IL18R1: variants seen among roughly 807,000 people sequenced by gnomAD.
The protein encoded by IL18R1 is interleukin-18 receptor 1.
A neutral mutation model predicts 48.5 loss-of-function variants in IL18R1; 40 were observed. That is an observed-to-expected ratio of 0.82 (90% CI 0.64 to 1.07). IL18R1 has a LOEUF of 1.07. Among genes scored for constraint, IL18R1 ranks in the 50% least tolerant of loss-of-function variants. The pLI is 0.00. For missense variants in IL18R1, 596 were observed against 633.7 expected (o/e 0.94, Z 0.64); for synonymous variants, 232 against 225.9 (o/e 1.03, Z -0.24).
chr2:102,390,031 T>C (rs1680469967), intron 8 of IL18R1, 25 bp from the exon 9 acceptor site: 3 of 1,611,668 alleles, frequency 1.9e-6, no homozygotes, highest in South Asian at 2.2e-5. Flanking sequence ...ATTATTTTCT[T>C]TTCCTTTTTC....
At chr2:102,360,197 G>A (rs913342767) in intron 1 of IL18R1, among the ~76,000 whole-genome samples, 1 of 152,176 alleles carries the variant, frequency 6.6e-6, no homozygotes, top group Non-Finnish European at 1.5e-5. Context: ...TTAACAAAGA[G>A]TTTTGTGACA....
chr2:102,366,754 CTCATGAGAACTCACTCACTA>C (rs1678923813), intron 2 of IL18R1, among the ~76,000 whole-genome samples: 2 of 152,174 alleles, frequency 1.3e-5, no homozygotes, highest in South Asian at 4.1e-4. Flanking sequence ...ACCATCAGAT[CTCATGAGAACTCACTCACTA>C]TCATGAGAAC....
At chr2:102,369,477 C>T (rs1434286793) in intron 3 of IL18R1, among the ~76,000 whole-genome samples, 2 of 152,086 alleles carry the variant, frequency 1.3e-5, no homozygotes, top group African/African-American at 4.8e-5. Flanking sequence ...AATGAGGTGT[C>T]CCAGAGTGGA....
chr2:102,379,472 G>T lies in IL18R1; in HGVS notation c.626-2148G>T, dbSNP rs961332323. On this transcript the variant is annotated intron_variant, in intron 5 of 10. Coordinates refer to ENST00000233957, the MANE Select transcript of IL18R1 (RefSeq NM_003855.5). ...AAAAAAAAAAAAAAAAAAAAGGAAAGAAATGAATACCCTAAGACTCAGGGA... is the reference window on the plus strand; with the variant it reads ...AAAAAAAAAAAAAAAAAAAAGGAAATAAATGAATACCCTAAGACTCAGGGA... Among the ~76,000 whole-genome samples the T allele has an allele frequency of 7.8e-5, 11 of 140,544 alleles. No homozygotes were observed. The South Asian group carries it at 8.9e-4, about 11-fold the overall frequency. The allele number at this position is 140,544 out of a possible 152,430, so 92.2% of individuals were successfully genotyped here.
intron 2 of IL18R1, among the ~76,000 whole-genome samples, chr2:102,366,143 T>C (rs1678882338): frequency 2.0e-5 from 3 of 152,206 alleles, no homozygotes; most frequent in African/African-American, 7.2e-5. Flanking sequence ...CATGGATTTT[T>C]CTCTCCTACC....
chr2:102,396,084 C>T (rs1470508920), intron 10 of IL18R1, among the ~76,000 whole-genome samples: 1 of 152,006 alleles, frequency 6.6e-6, no homozygotes, highest in African/African-American at 2.4e-5. Context: ...TTTTAGCATG[C>T]TCTTTTCTGC....
intron 4 of IL18R1, among the ~76,000 whole-genome samples, chr2:102,374,785 A>G (rs1348019542): frequency 6.6e-6 from 1 of 152,116 alleles, no homozygotes; most frequent in Non-Finnish European, 1.5e-5. Flanking sequence ...CTCAAAAAAA[A>G]AAAAATGAAA....
chr2:102,363,943 C>T (rs576797920), intron 2 of IL18R1, among the ~76,000 whole-genome samples: 2 of 152,292 alleles, frequency 1.3e-5, no homozygotes, highest in African/African-American at 4.8e-5. Flanking sequence ...ACTTGGAACT[C>T]CACAAACCTT....
At chr2:102,369,602 G>A (rs1679129271) in intron 3 of IL18R1, among the ~76,000 whole-genome samples, 1 of 152,184 alleles carries the variant, frequency 6.6e-6, no homozygotes, top group Non-Finnish European at 1.5e-5. Flanking sequence ...ACACCCAGGA[G>A]CATAGAAGAT....
intron 1 of IL18R1, among the ~76,000 whole-genome samples, chr2:102,358,135 G>A (rs1483852880): frequency 1.3e-5 from 2 of 152,182 alleles, no homozygotes; most frequent in Non-Finnish European, 2.9e-5. Flanking sequence ...GTGAATAGCT[G>A]TAATCTGAGG....
At chr2:102,362,234 C>G (rs1678618893) in intron 1 of IL18R1, among the ~76,000 whole-genome samples, 1 of 152,156 alleles carries the variant, frequency 6.6e-6, no homozygotes, top group African/African-American at 2.4e-5. Context: ...TGAAAACACA[C>G]ACACACACTC....
intron 1 of IL18R1, among the ~76,000 whole-genome samples, chr2:102,361,506 T>C (rs1678570686): frequency 6.6e-6 from 1 of 152,234 alleles, no homozygotes; most frequent in African/African-American, 2.4e-5. Flanking sequence ...GGCATTATTC[T>C]GAGCTGAGAA....
At chr2:102,375,591 C>T (rs866814852) in intron 4 of IL18R1, among the ~76,000 whole-genome samples, 6 of 152,114 alleles carry the variant, frequency 3.9e-5, no homozygotes, top group East Asian at 1.9e-4. Flanking sequence ...CTCTGTCTCT[C>T]GCTGTTTCTC....
intron 5 of IL18R1, among the ~76,000 whole-genome samples, chr2:102,379,946 A>G (rs1679822104): frequency 6.6e-6 from 1 of 152,196 alleles, no homozygotes; most frequent in Non-Finnish European, 1.5e-5. Context: ...TTGAGTTTAA[A>G]GTACTCAGCC....
chr2:102,389,135 T>C (rs1680415699), intron 8 of IL18R1, among the ~76,000 whole-genome samples: 7 of 152,144 alleles, frequency 4.6e-5, no homozygotes, highest in Admixed American at 4.6e-4. Flanking sequence ...TTATGTCTAC[T>C]TACTAAAAAT....
At chr2:102,369,517 G>C (rs900857850) in intron 3 of IL18R1, among the ~76,000 whole-genome samples, 1 of 152,194 alleles carries the variant, frequency 6.6e-6, no homozygotes, top group Non-Finnish European at 1.5e-5. Context: ...TGAGAGTAAA[G>C]TGTTGAGGAG....
Position 102,396,880 on chromosome 2 carries a change from GT to G in IL18R1, c.1621del (p.Ser541LeufsTer7). The G allele has an allele frequency of 6.4e-7, 1 of 1,572,996 alleles. No homozygotes were observed. The highest frequency in any genetic ancestry group is 1.7e-4 in the Middle Eastern group (1 of 5,816). On this transcript the variant is annotated frameshift_variant, in exon 11 of 11. Transcript: ENST00000233957. LOFTEE classifies it high-confidence loss of function. ...EPEVLPVLSE[S>X] ...CGGAAGTCTTGCCTGTTCTTTCCGA[GT>G]CTTAATCTTCAGAAACAGTGAACGC...
chr2:102,367,492 C>G (rs1435215896), intron 2 of IL18R1, among the ~76,000 whole-genome samples: 1 of 152,104 alleles, frequency 6.6e-6, no homozygotes, highest in Non-Finnish European at 1.5e-5. Flanking sequence ...CTGTGGCTTT[C>G]CCTATGAAGA....
intron 10 of IL18R1, among the ~76,000 whole-genome samples, chr2:102,395,705 A>G (rs2105136745): frequency 6.6e-6 from 1 of 152,310 alleles, no homozygotes; most frequent in South Asian, 2.1e-4. Context: ...TTTCTTGAAA[A>G]CAGATTTATT....
Sources: allele counts gnomAD v4.1 joint callset (sites outside exome capture counted in the v4.1 genomes callset), GRCh38; gene constraint gnomAD v4.1.1; transcripts MANE v1.5; gene names NCBI Gene and HGNC (gene_info 2026-07-23, HGNC 2026-07-21).